The following CDH13 variants were observed in gnomAD, a reference collection of about 807,000 sequenced individuals.
CDH13 encodes the protein cadherin 13, also known as cadherin-13.
Under a neutral mutation model 63.8 loss-of-function variants are expected in CDH13, and 24 were observed. The ratio of observed to expected loss-of-function variants is 0.38; its 90% CI spans 0.27 to 0.53. The LOEUF is 0.53. Ranked by LOEUF, CDH13 falls within the 20% of genes least tolerant of loss-of-function variation. CDH13 has a pLI of 0.85. For missense variants in CDH13, 1,049 were observed against 903.1 expected, an observed-to-expected ratio of 1.16 and a Z score of -2.07; for synonymous variants, 503 against 355.3, an observed-to-expected ratio of 1.42 and a Z score of -4.67.
At chr16:82,682,736 A>G (rs1341934972) in intron 1 of CDH13, among the ~76,000 whole-genome samples, 1 of 152,216 alleles carries the variant, frequency 6.6e-6, no homozygotes, top group African/African-American at 2.4e-5. Flanking sequence ...GAGATAATTA[A>G]TTAGGAAACG....
At position 83,265,727 on chromosome 16, in the gene CDH13, C is replaced by CTTT. The variant is rs71272416; in HGVS notation, c.636+48254_636+48256dup. On this transcript the variant is annotated intron_variant, in intron 5 of 13. Coordinates refer to ENST00000567109, the MANE Select transcript of CDH13 (RefSeq NM_001257.5). ...GTTTTCTGTTGCTTCTAAATTTCTG[C>CTTT]TTTTTTTTTTTTTTTTTTTTTTTTT... Among the ~76,000 whole-genome samples the CTTT allele has an allele frequency of 3.1e-3, 132 of 42,566 alleles. 41 individuals carry two copies. The highest frequency in any genetic ancestry group is 0.013 in the African/African-American group (112 of 8,602). 27.9% of individuals were successfully genotyped at this position (42,566 alleles called of 152,430 possible). A position where few individuals can be genotyped will look rare whatever the true frequency, so the allele number is the denominator to read the frequency against.
rs1472640735 is a variant in CDH13 at position 83,599,950 on chromosome 16, T to C, written c.961-2504T>C. On this transcript the variant is annotated intron_variant, in intron 7 of 13. Coordinates refer to ENST00000567109, the MANE Select transcript of CDH13 (RefSeq NM_001257.5). ...TAGCCAATTTACTGGTTTCATATGG[T>C]CCAGCTGCAGAAATTATAGCCAATA... Among the ~76,000 whole-genome samples, 2 of 152,136 alleles carry C rather than the reference T, an allele frequency of 1.3e-5. 1 individual carries two copies. The highest frequency in any genetic ancestry group is 1.3e-4 in the Admixed American group (2 of 15,266).
intron 3 of CDH13, among the ~76,000 whole-genome samples, chr16:83,111,829 TAAAGAG>T (rs1429292386): frequency 1.3e-5 from 2 of 152,080 alleles, no homozygotes; most frequent in Non-Finnish European, 2.9e-5. Flanking sequence ...ATCAAAAACC[TAAAGAG>T]AAAGAGAAAT....
chr16:82,901,754 C>T (rs774225984), intron 2 of CDH13, among the ~76,000 whole-genome samples: 1 of 152,134 alleles, frequency 6.6e-6, no homozygotes, highest in Non-Finnish European at 1.5e-5. Context: ...AACCATATAC[C>T]AGGCCCTGTG....
chr16:83,769,983 G>T (rs1914655388), intron 11 of CDH13, among the ~76,000 whole-genome samples: 1 of 152,176 alleles, frequency 6.6e-6, no homozygotes, highest in African/African-American at 2.4e-5. Context: ...CTGGGCCAGG[G>T]TGCAGCCTGA....
At position 82,796,619 on chromosome 16, in the gene CDH13, T is replaced by C. The variant is rs147488669; in HGVS notation, c.46-61743T>C. 7.1e-3 allele frequency among the ~76,000 whole-genome samples: 1,076 copies of C among 152,356 alleles called. 6 individuals carry two copies. Among genetic ancestry groups the C allele is most frequent in the Non-Finnish European group, 0.011 (767 of 68,034 alleles). ...TTCATGATACTTTGGCTTATGGGTG[T>C]TCCACACTTGATTCCAAGGGTGATA... is the stretch of plus-strand genomic sequence containing the variant. On this transcript the variant is annotated intron_variant, in intron 1 of 13. Coordinates refer to ENST00000567109, the MANE Select transcript of CDH13 (RefSeq NM_001257.5).
At chr16:82,697,514 C>T (rs1975895) in intron 1 of CDH13, among the ~76,000 whole-genome samples, 1 of 140,254 alleles carries the variant, frequency 7.1e-6, no homozygotes, top group Admixed American at 7.7e-5. Context: ...ACTGCAACCT[C>T]TGCCTCCGGG....
At chr16:83,501,959 A>C (rs1021698028) in intron 7 of CDH13, among the ~76,000 whole-genome samples, 1 of 152,182 alleles carries the variant, frequency 6.6e-6, no homozygotes, top group African/African-American at 2.4e-5. Context: ...GGGCTTAGGA[A>C]TTCACAAATG....
intron 7 of CDH13, among the ~76,000 whole-genome samples, chr16:83,546,491 C>CTTTTTTTTTTTT (rs2075388884): frequency 6.9e-6 from 1 of 144,874 alleles, no homozygotes; most frequent in Non-Finnish European, 1.5e-5. Context: ...TCTCTGGGTT[C>CTTTTTTTTTTTT]AAGACGTTCT....
intron 5 of CDH13, among the ~76,000 whole-genome samples, chr16:83,226,532 T>C (rs1243604995): frequency 6.6e-6 from 1 of 152,196 alleles, no homozygotes; most frequent in African/African-American, 2.4e-5. Context: ...TTAGCACACA[T>C]CCATGGAATG....
At chr16:83,690,417 G>A (rs905233882) in intron 10 of CDH13, among the ~76,000 whole-genome samples, 19 of 152,150 alleles carry the variant, frequency 1.2e-4, no homozygotes, top group Non-Finnish European at 2.4e-4. Context: ...CAGCTATCCC[G>A]GGTGGAGAGG....
rs557902226 is a variant in CDH13, at chr16:82,779,969, G to A, written c.46-78393G>A. The stretch of plus-strand genomic sequence containing the variant: ...GTTACTGCATCTTACCTTGACAGGC[G>A]CACTTTAGGGGATGCAGTCTCTGCC... On this transcript the variant is annotated intron_variant, in intron 1 of 13. Coordinates refer to ENST00000567109, the MANE Select transcript of CDH13 (RefSeq NM_001257.5). 3.3e-5 allele frequency among the ~76,000 whole-genome samples: 5 copies of A among 152,174 alleles called. No individual in the cohort carries two copies. The South Asian group carries it at 6.2e-4, about 19-fold the overall frequency.
At chr16:83,370,502 C>G (rs2091346620) in intron 6 of CDH13, among the ~76,000 whole-genome samples, 1 of 150,786 alleles carries the variant, frequency 6.6e-6, no homozygotes, top group Admixed American at 6.6e-5. Context: ...GGTACATGTG[C>G]AGGTTTGTTA....
At chr16:82,882,156 A>G (rs984090569) in intron 2 of CDH13, among the ~76,000 whole-genome samples, 2 of 152,160 alleles carry the variant, frequency 1.3e-5, no homozygotes, top group Non-Finnish European at 2.9e-5. Flanking sequence ...TTCAATTCAC[A>G]CTTGTCTTTT....
intron 5 of CDH13, among the ~76,000 whole-genome samples, chr16:83,271,878 C>T (rs1288427478): frequency 6.6e-6 from 1 of 152,156 alleles, no homozygotes; most frequent in Non-Finnish European, 1.5e-5. Flanking sequence ...GTTCAAGCCT[C>T]TTTAGCTGGA....
intron 1 of CDH13, among the ~76,000 whole-genome samples, chr16:82,831,992 G>A (rs568671905): frequency 4.6e-5 from 7 of 152,282 alleles, no homozygotes; most frequent in South Asian, 2.1e-4. Flanking sequence ...AAAGAGCAAC[G>A]CTTGGAAGCC....
At chr16:83,110,880 C>T (rs2035024223) in intron 3 of CDH13, among the ~76,000 whole-genome samples, 1 of 151,352 alleles carries the variant, frequency 6.6e-6, no homozygotes, top group African/African-American at 2.4e-5. Flanking sequence ...TTGGGTTAGA[C>T]TTGGACTTTT....
chr16:82,864,331 A>C (rs945979787), intron 2 of CDH13, among the ~76,000 whole-genome samples: 2 of 152,210 alleles, frequency 1.3e-5, no homozygotes, highest in African/African-American at 2.4e-5. Flanking sequence ...GAGGTGTATT[A>C]GCCTATTTTC....
intron 6 of CDH13, among the ~76,000 whole-genome samples, chr16:83,452,195 T>C (rs916640531): frequency 6.6e-5 from 10 of 152,208 alleles, no homozygotes; most frequent in African/African-American, 2.4e-4. Context: ...TAAAAATTAA[T>C]GTTTATAGTC....
Sources: gnomAD v4.1 joint callset for allele counts (sites outside exome capture counted in the v4.1 genomes callset) on GRCh38, gnomAD v4.1.1 for gene constraint, MANE v1.5 for transcripts, NCBI Gene and HGNC (gene_info 2026-07-23, HGNC 2026-07-21) for gene names.